ARB2A: variants seen among roughly 807,000 people sequenced by gnomAD.
ARB2A encodes the protein cotranscriptional regulator ARB2A.
chr5:94,087,502 T>A, the ARB2A span, among the ~76,000 whole-genome samples: 1 of 152,256 alleles, frequency 6.6e-6, no homozygotes, highest in African/African-American at 2.4e-5. Context: ...TCATGTAGCC[T>A]AAGTGTACTG....
chr5:93,849,756 C>G, the ARB2A span, among the ~76,000 whole-genome samples: 1 of 152,010 alleles, frequency 6.6e-6, no homozygotes. Flanking sequence ...TGCTATGAAT[C>G]TGCTACATTA....
At chr5:93,947,470 G>C in the ARB2A span, among the ~76,000 whole-genome samples, 1 of 151,394 alleles carries the variant, frequency 6.6e-6, no homozygotes, top group Admixed American at 6.6e-5. Context: ...TGTCACCCAG[G>C]TGAGGTGCAG....
At chr5:93,852,533 C>A in the ARB2A span, among the ~76,000 whole-genome samples, 1 of 152,068 alleles carries the variant, frequency 6.6e-6, no homozygotes, top group South Asian at 2.1e-4. Flanking sequence ...CTTGCCCATG[C>A]CTATGTCCTG....
the ARB2A span, among the ~76,000 whole-genome samples, chr5:94,096,918 G>A: frequency 4.6e-5 from 7 of 152,124 alleles, no homozygotes; most frequent in East Asian, 3.9e-4. Context: ...TTAAACAGGC[G>A]TGGAATGGCC....
At chr5:93,932,645 A>T in the ARB2A span, among the ~76,000 whole-genome samples, 1 of 152,228 alleles carries the variant, frequency 6.6e-6, no homozygotes, top group Non-Finnish European at 1.5e-5. Flanking sequence ...TTTCCAAAGC[A>T]TCCCACTTAC....
the ARB2A span, among the ~76,000 whole-genome samples, chr5:94,053,491 TAGAC>T: frequency 6.6e-6 from 1 of 152,258 alleles, no homozygotes; most frequent in East Asian, 1.9e-4. Flanking sequence ...CCCTTCAAAA[TAGAC>T]AGCTATTAAT....
the ARB2A span, among the ~76,000 whole-genome samples, chr5:93,732,109 T>G: frequency 1.3e-5 from 2 of 152,284 alleles, no homozygotes; most frequent in Admixed American, 1.3e-4. Context: ...ATAAACCATG[T>G]AGCCTCTCCC....
At chr5:94,032,450 C>A in the ARB2A span, among the ~76,000 whole-genome samples, 1 of 152,142 alleles carries the variant, frequency 6.6e-6, no homozygotes, top group Non-Finnish European at 1.5e-5. Context: ...ATAGACACCA[C>A]GGGAATGGTG....
At chr5:93,953,839 A>T in the ARB2A span, among the ~76,000 whole-genome samples, 1 of 152,080 alleles carries the variant, frequency 6.6e-6, no homozygotes, top group Non-Finnish European at 1.5e-5. Flanking sequence ...CACCCGAGAC[A>T]CAAGACAAAG....
chr5:93,661,409 A>C, the ARB2A span, among the ~76,000 whole-genome samples: 1 of 152,310 alleles, frequency 6.6e-6, no homozygotes, highest in East Asian at 1.9e-4. Flanking sequence ...CTTTTAGTGA[A>C]GCTACATTGC....
chr5:93,857,781 C>T, the ARB2A span, among the ~76,000 whole-genome samples: 6 of 152,184 alleles, frequency 3.9e-5, no homozygotes, highest in African/African-American at 7.2e-5. Context: ...ACGCATGGTG[C>T]GCTGCACCCA....
chr5:93,858,251 C>T, the ARB2A span, among the ~76,000 whole-genome samples: 3 of 152,206 alleles, frequency 2.0e-5, no homozygotes, highest in Non-Finnish European at 4.4e-5. Context: ...GTCACATAGC[C>T]ACTTCCTACC....
chr5:93,811,386 G>A, the ARB2A span, among the ~76,000 whole-genome samples: 1 of 152,024 alleles, frequency 6.6e-6, no homozygotes, highest in East Asian at 1.9e-4. Context: ...CCCTTCACTA[G>A]TTTGAGTAAT....
chr5:94,111,596 G>C, the ARB2A span: 1 of 152,290 alleles, frequency 6.6e-6, no homozygotes, highest in East Asian at 1.9e-4. Context: ...TCCCTCGTGC[G>C]GTTGTTATGA....
the ARB2A span, among the ~76,000 whole-genome samples, chr5:93,882,224 C>T: frequency 6.6e-6 from 1 of 151,256 alleles, no homozygotes; most frequent in Admixed American, 6.6e-5. Flanking sequence ...CAAAACCATC[C>T]ATACCTACAT....
chr5:93,879,507 G>A, the ARB2A span, among the ~76,000 whole-genome samples: 1 of 17,724 alleles, frequency 5.6e-5, no homozygotes, highest in South Asian at 7.1e-3. Flanking sequence ...GAGTCTAAAA[G>A]AGAGAAAATA....
the ARB2A span, among the ~76,000 whole-genome samples, chr5:93,769,274 A>G: frequency 6.6e-6 from 1 of 152,212 alleles, no homozygotes; most frequent in Non-Finnish European, 1.5e-5. Flanking sequence ...GCAAGCTGGA[A>G]AAAACACTTC....
chr5:93,880,780 C>T, the ARB2A span, among the ~76,000 whole-genome samples: 1 of 151,740 alleles, frequency 6.6e-6, no homozygotes, highest in Non-Finnish European at 1.5e-5. Context: ...CAACACTGCT[C>T]TAATGATCCC....
At chr5:93,688,782 C>G in the ARB2A span, among the ~76,000 whole-genome samples, 1 of 152,108 alleles carries the variant, frequency 6.6e-6, no homozygotes, top group Non-Finnish European at 1.5e-5. Context: ...AGCCTGGACA[C>G]CAAACTGATG....
Sources: allele counts gnomAD v4.1 joint callset (sites outside exome capture counted in the v4.1 genomes callset), GRCh38; gene constraint gnomAD v4.1.1; transcripts MANE v1.5; gene names NCBI Gene and HGNC (gene_info 2026-07-23, HGNC 2026-07-21).